MBD5: variants seen among roughly 807,000 people sequenced by gnomAD.
MBD5 encodes the protein methyl-CpG-binding domain protein 5.
In MBD5, 13 loss-of-function variants were observed where a neutral mutation model predicts 117.3. The ratio of observed to expected loss-of-function variants is 0.11; its 90% CI spans 0.07 to 0.18. MBD5 has a LOEUF of 0.18. MBD5 is among the 10% of genes least tolerant of loss of function. The probability of loss-of-function intolerance (pLI) is 1.00; values close to 1 mark genes in which losing one functional copy is unlikely to be tolerated. For synonymous variants in MBD5, 727 were observed against 766.4 expected (o/e 0.95, Z 0.85); for missense variants, 1,879 against 2,093.8 (o/e 0.90, Z 2.00).
intron 3 of MBD5, among the ~76,000 whole-genome samples, chr2:148,236,575 A>C (rs1666466104): frequency 6.6e-6 from 1 of 152,138 alleles, no homozygotes; most frequent in Admixed American, 6.6e-5. Context: ...GCAAACGTAA[A>C]ATAGTCAGCG....
chr2:148,370,441 A>G (rs945165299), intron 4 of MBD5, among the ~76,000 whole-genome samples: 4 of 152,172 alleles, frequency 2.6e-5, no homozygotes, highest in African/African-American at 9.7e-5. Context: ...TAGTAAATTC[A>G]AAGTAAAATA....
At chr2:148,155,107 A>G (rs2105701267) in intron 1 of MBD5, among the ~76,000 whole-genome samples, 1 of 152,328 alleles carries the variant, frequency 6.6e-6, no homozygotes, top group Middle Eastern at 3.4e-3. Flanking sequence ...TGTGTGTCTG[A>G]TATTGACAAA....
At chr2:148,366,759 A>T (rs1045651655) in intron 4 of MBD5, among the ~76,000 whole-genome samples, 1 of 152,148 alleles carries the variant, frequency 6.6e-6, no homozygotes, top group African/African-American at 2.4e-5. Context: ...ACCTAGGAAT[A>T]CAACTTACAA....
chr2:148,441,086 T>C (rs1706306269), intron 4 of MBD5, among the ~76,000 whole-genome samples: 1 of 152,156 alleles, frequency 6.6e-6, no homozygotes, highest in Admixed American at 6.6e-5. Flanking sequence ...CCTAGCTCTA[T>C]TCCTAAGTGT....
intron 4 of MBD5, among the ~76,000 whole-genome samples, chr2:148,355,604 A>G (rs936725884): frequency 2.0e-5 from 3 of 151,910 alleles, no homozygotes; most frequent in African/African-American, 7.3e-5. Context: ...GTGTGATATT[A>G]TTTCTGAGGT....
chr2:148,118,201 T>A (rs1696683964), intron 1 of MBD5, among the ~76,000 whole-genome samples: 1 of 152,160 alleles, frequency 6.6e-6, no homozygotes, highest in Non-Finnish European at 1.5e-5. Context: ...ACTAAAATGA[T>A]GGATGACAGA....
intron 1 of MBD5, among the ~76,000 whole-genome samples, chr2:148,041,786 T>G (rs778641899): frequency 1.6e-4 from 25 of 152,144 alleles, no homozygotes; most frequent in Non-Finnish European, 2.4e-4. Context: ...CACCCATCTT[T>G]CCTCTCTCCA....
intron 4 of MBD5, among the ~76,000 whole-genome samples, chr2:148,367,744 T>G (rs1054105970): frequency 2.6e-5 from 4 of 152,148 alleles, no homozygotes; most frequent in African/African-American, 7.2e-5. Context: ...TTATCACTGG[T>G]CATTAGAGAA....
At chr2:148,201,042 T>C (rs1699126582) in intron 2 of MBD5, among the ~76,000 whole-genome samples, 1 of 152,246 alleles carries the variant, frequency 6.6e-6, no homozygotes, top group Non-Finnish European at 1.5e-5. Context: ...CTTGATTACT[T>C]TGCCAACCGG....
chr2:148,337,392 A>T (rs1394178774), intron 3 of MBD5, among the ~76,000 whole-genome samples: 1 of 152,178 alleles, frequency 6.6e-6, no homozygotes. Context: ...TTATACAATG[A>T]TGCTCTTAAA....
At chr2:148,338,217 C>G (rs1368662912) in intron 3 of MBD5, among the ~76,000 whole-genome samples, 1 of 152,062 alleles carries the variant, frequency 6.6e-6, no homozygotes, top group Non-Finnish European at 1.5e-5. Context: ...GATAGAGATT[C>G]TTTAAATCAA....
intron 4 of MBD5, among the ~76,000 whole-genome samples, chr2:148,380,141 T>C (rs1409657959): frequency 2.6e-5 from 4 of 152,278 alleles, no homozygotes; most frequent in South Asian, 2.1e-4. Flanking sequence ...GGAAGGTCAC[T>C]GCATAATAAT....
At chr2:148,101,014 G>C (rs1216183204) in intron 1 of MBD5, among the ~76,000 whole-genome samples, 1 of 152,028 alleles carries the variant, frequency 6.6e-6, no homozygotes, top group African/African-American at 2.4e-5. Flanking sequence ...CCACTGCATG[G>C]GTAGGTCACT....
At chr2:148,399,583 A>G (rs1443772685) in intron 4 of MBD5, among the ~76,000 whole-genome samples, 2 of 152,172 alleles carry the variant, frequency 1.3e-5, no homozygotes, top group Non-Finnish European at 2.9e-5. Flanking sequence ...TAGATATACA[A>G]TCATGTCATC....
At chr2:148,367,542 C>T (rs1703737140) in intron 4 of MBD5, among the ~76,000 whole-genome samples, 1 of 152,094 alleles carries the variant, frequency 6.6e-6, no homozygotes. Context: ...GAACAGGCAA[C>T]CTACAGAATG....
At chr2:148,298,207 C>CCTGGCCTCTCAA (rs1435599669) in intron 3 of MBD5, among the ~76,000 whole-genome samples, 1 of 152,160 alleles carries the variant, frequency 6.6e-6, no homozygotes, top group African/African-American at 2.4e-5. Context: ...AAAGGGAACC[C>CCTGGCCTCTCAA]CTGGCCTCTC....
Position 148,426,539 on chromosome 2 carries a change from T to C in MBD5, c.-556-31664T>C, listed in dbSNP as rs564626861. On this transcript the variant is annotated intron_variant, in intron 4 of 13. Coordinates refer to ENST00000642680, the MANE Select transcript of MBD5 (RefSeq NM_001378120.1). Reference sequence around the variant, plus strand: ...TGATCTTTGACAAACCTGACAAAAATAAGAAATGGGGAAAGGATTCCCTAT... The same window carrying C: ...TGATCTTTGACAAACCTGACAAAAACAAGAAATGGGGAAAGGATTCCCTAT... 7.6e-3 allele frequency among the ~76,000 whole-genome samples: 1,147 copies of C among 151,714 alleles called. 10 individuals carry two copies. The highest frequency in any genetic ancestry group is 0.027 in the African/African-American group (1,094 of 41,262).
chr2:148,043,452 C>CAAATAAATAAATAAAT (rs137863555), intron 1 of MBD5, among the ~76,000 whole-genome samples: 11,482 of 142,820 alleles, frequency 0.08, 452 homozygotes, highest in African/African-American at 0.091. Flanking sequence ...GACTCCTTCT[C>CAAATAAATAAATAAAT]AAATAAATAA....
intron 4 of MBD5, among the ~76,000 whole-genome samples, chr2:148,386,591 C>A (rs1294902519): frequency 6.7e-6 from 1 of 149,550 alleles, no homozygotes; most frequent in Non-Finnish European, 1.5e-5. Flanking sequence ...TAGTGGCGGG[C>A]GCCTGTAGTC....
Sources: gnomAD v4.1 joint callset for allele counts (sites outside exome capture counted in the v4.1 genomes callset) on GRCh38, gnomAD v4.1.1 for gene constraint, MANE v1.5 for transcripts, NCBI Gene and HGNC (gene_info 2026-07-23, HGNC 2026-07-21) for gene names.